SGCZ: variants seen among roughly 807,000 people sequenced by gnomAD.
SGCZ encodes zeta-sarcoglycan.
Under a neutral mutation model 41.3 loss-of-function variants are expected in SGCZ, and 40 were observed. The ratio of observed to expected loss-of-function variants is 0.97; its 90% CI spans 0.75 to 1.26. The LOEUF is 1.26. Among genes scored for constraint, SGCZ ranks in the 50% most tolerant of loss-of-function variants. SGCZ has a pLI of 0.00. For missense variants in SGCZ, 552 were observed against 369.8 expected (o/e 1.49, Z -4.04); for synonymous variants, 206 against 137.5 (o/e 1.50, Z -3.49).
intron 1 of SGCZ, among the ~76,000 whole-genome samples, chr8:15,197,904 G>A (rs1050415881): frequency 4.7e-5 from 7 of 149,826 alleles, no homozygotes; most frequent in East Asian, 2.0e-4. Flanking sequence ...ACACACATTC[G>A]TGTATATATA....
At chr8:14,268,775 A>G (rs976945701) in intron 3 of SGCZ, among the ~76,000 whole-genome samples, 23 of 152,080 alleles carry the variant, frequency 1.5e-4, no homozygotes, top group Non-Finnish European at 2.9e-4. Flanking sequence ...TGTATTGCTC[A>G]TTTAAAAAAT....
intron 1 of SGCZ, among the ~76,000 whole-genome samples, chr8:15,022,382 T>C (rs765312410): frequency 2.0e-5 from 3 of 152,140 alleles, no homozygotes; most frequent in Non-Finnish European, 4.4e-5. Context: ...TCTTGCTCTG[T>C]CACCACACTG....
intron 1 of SGCZ, among the ~76,000 whole-genome samples, chr8:14,794,915 A>G (rs973112262): frequency 2.0e-5 from 3 of 152,226 alleles, no homozygotes; most frequent in Non-Finnish European, 4.4e-5. Flanking sequence ...ATAACTGTCA[A>G]TGAAGAACAG....
chr8:15,100,488 T>G (rs962075344), intron 1 of SGCZ, among the ~76,000 whole-genome samples: 2 of 152,302 alleles, frequency 1.3e-5, no homozygotes, highest in South Asian at 2.1e-4. Flanking sequence ...TCCATGTTCA[T>G]GAATAGGAAG....
chr8:14,459,377 C>T (rs1255194120), intron 2 of SGCZ, among the ~76,000 whole-genome samples: 1 of 151,824 alleles, frequency 6.6e-6, no homozygotes, highest in Non-Finnish European at 1.5e-5. Context: ...TGTAACAAAC[C>T]TGCACATTGT....
chr8:14,376,556 G>A (rs1804138535), intron 2 of SGCZ, among the ~76,000 whole-genome samples: 1 of 151,946 alleles, frequency 6.6e-6, no homozygotes, highest in Non-Finnish European at 1.5e-5. Flanking sequence ...AAAATAATCA[G>A]ACCCAGATGG....
intron 1 of SGCZ, among the ~76,000 whole-genome samples, chr8:15,158,089 T>C (rs1799390179): frequency 6.6e-6 from 1 of 152,002 alleles, no homozygotes; most frequent in Admixed American, 6.5e-5. Context: ...CTCCAATCCT[T>C]ACCATTTCTC....
chr8:15,035,568 G>A (rs1803845569), intron 1 of SGCZ, among the ~76,000 whole-genome samples: 1 of 152,140 alleles, frequency 6.6e-6, no homozygotes, highest in South Asian at 2.1e-4. Flanking sequence ...CTAAATAAAT[G>A]AAAACATAAG....
intron 1 of SGCZ, among the ~76,000 whole-genome samples, chr8:15,106,473 T>C (rs11203678): frequency 0.54 from 81,316 of 151,894 alleles, 23,127 homozygotes; most frequent in Admixed American, 0.66. Context: ...TATGTCCAGA[T>C]AGGCTAAACA....
intron 2 of SGCZ, among the ~76,000 whole-genome samples, chr8:14,394,385 G>A (rs1040916233): frequency 1.3e-5 from 2 of 151,930 alleles, no homozygotes; most frequent in African/African-American, 2.4e-5. Flanking sequence ...TCCTGACCTC[G>A]TGATCCACCC....
chr8:14,497,969 C>T lies in SGCZ; in HGVS notation c.234+56763G>A, dbSNP rs1241974404. Among the ~76,000 whole-genome samples, 4 of 152,160 alleles carry T rather than the reference C, an allele frequency of 2.6e-5. No individual in the cohort carries two copies. The East Asian group carries it at 5.8e-4, about 22-fold the overall frequency. ...CATAAAGGTTGTTTTTCCTCATATCCTCATCACACAATATCATCTATAAGT... is the reference window on the plus strand; with the variant it reads ...CATAAAGGTTGTTTTTCCTCATATCTTCATCACACAATATCATCTATAAGT... On this transcript the variant is annotated intron_variant, in intron 2 of 7. Coordinates refer to ENST00000382080, the MANE Select transcript of SGCZ (RefSeq NM_139167.4).
At chr8:14,470,283 G>A (rs916727557) in intron 2 of SGCZ, among the ~76,000 whole-genome samples, 1 of 152,058 alleles carries the variant, frequency 6.6e-6, no homozygotes, top group Non-Finnish European at 1.5e-5. Context: ...CACACAATGA[G>A]GTTATTTCTT....
At chr8:14,636,125 G>A (rs767036703) in intron 1 of SGCZ, among the ~76,000 whole-genome samples, 2 of 151,850 alleles carry the variant, frequency 1.3e-5, no homozygotes, top group Admixed American at 1.3e-4. Context: ...AAATGTCTGA[G>A]GACCTGCAGT....
intron 7 of SGCZ, among the ~76,000 whole-genome samples, chr8:14,099,275 T>G (rs1281247540): frequency 6.6e-6 from 1 of 152,212 alleles, no homozygotes; most frequent in Admixed American, 6.5e-5. Context: ...CTCTTCAATA[T>G]TGTCTTATAA....
chr8:14,167,845 A>G (rs1418663940), intron 4 of SGCZ, among the ~76,000 whole-genome samples: 1 of 152,118 alleles, frequency 6.6e-6, no homozygotes, highest in Non-Finnish European at 1.5e-5. Flanking sequence ...TGGCTGACAA[A>G]GAGAGATAAT....
intron 1 of SGCZ, among the ~76,000 whole-genome samples, chr8:14,855,170 A>C (rs771609118): frequency 6.6e-6 from 1 of 151,922 alleles, no homozygotes; most frequent in Non-Finnish European, 1.5e-5. Flanking sequence ...CTCATGCCTT[A>C]GTCTCCTGAG....
intron 4 of SGCZ, among the ~76,000 whole-genome samples, chr8:14,187,700 A>C (rs1298285051): frequency 2.6e-5 from 4 of 152,174 alleles, no homozygotes; most frequent in African/African-American, 9.6e-5. Context: ...TGACAACTGC[A>C]GGACACCATT....
chr8:14,947,156 T>A (rs1800479030), intron 1 of SGCZ, among the ~76,000 whole-genome samples: 1 of 152,168 alleles, frequency 6.6e-6, no homozygotes, highest in African/African-American at 2.4e-5. Flanking sequence ...ATACAAGTGA[T>A]AGTGTGATTG....
At chr8:14,942,918 T>C (rs571316697) in intron 1 of SGCZ, among the ~76,000 whole-genome samples, 9 of 152,284 alleles carry the variant, frequency 5.9e-5, no homozygotes, top group Admixed American at 1.3e-4. Flanking sequence ...GTAGGCTATA[T>C]TGCTACTCTT....
Sources: allele counts gnomAD v4.1 joint callset (sites outside exome capture counted in the v4.1 genomes callset), GRCh38; gene constraint gnomAD v4.1.1; transcripts MANE v1.5; gene names NCBI Gene and HGNC (gene_info 2026-07-23, HGNC 2026-07-21).